Variants in NCAM2 observed in about 807,000 individuals in gnomAD.
NCAM2 encodes the protein N-CAM-2.
A neutral mutation model predicts 98.1 loss-of-function variants in NCAM2; 30 were observed. The observed-to-expected ratio is 0.31, with a 90% CI of 0.23 to 0.41. NCAM2 has a LOEUF of 0.41. Ranked by LOEUF, NCAM2 falls within the 10% of genes least tolerant of loss-of-function variation. The pLI, the probability that NCAM2 is intolerant of heterozygous loss-of-function variation, is 1.00. For missense variants in NCAM2, 867 were observed against 1,005.8 expected (o/e 0.86, Z 1.87); for synonymous variants, 368 against 342.4 (o/e 1.07, Z -0.83).
intron 6 of NCAM2, among the ~76,000 whole-genome samples, chr21:21,328,539 TG>T (rs1440623461): frequency 6.6e-6 from 1 of 151,444 alleles, no homozygotes; most frequent in East Asian, 1.9e-4. Flanking sequence ...TTGATGATCC[TG>T]ACCCTGAGTC....
chr21:21,263,824 A>T (rs906655930), intron 1 of NCAM2, among the ~76,000 whole-genome samples: 2 of 152,120 alleles, frequency 1.3e-5, no homozygotes, highest in African/African-American at 4.8e-5. Flanking sequence ...ATTAAACTGG[A>T]CCCCTAATTT....
chr21:21,400,639 G>A (rs1569021560), intron 9 of NCAM2, among the ~76,000 whole-genome samples: 2 of 148,614 alleles, frequency 1.3e-5, no homozygotes, highest in Admixed American at 6.7e-5. Flanking sequence ...AGGCTGGAGT[G>A]CACTGATGCA....
At chr21:21,230,011 C>T (rs993058127) in intron 1 of NCAM2, among the ~76,000 whole-genome samples, 4 of 151,124 alleles carry the variant, frequency 2.6e-5, no homozygotes, top group African/African-American at 9.7e-5. Context: ...GAGAGAAACA[C>T]ACAAGTAAGA....
intron 11 of NCAM2, among the ~76,000 whole-genome samples, chr21:21,421,212 G>A (rs2077103713): frequency 6.6e-6 from 1 of 151,864 alleles, no homozygotes; most frequent in South Asian, 2.1e-4. Context: ...TTCACAGGTA[G>A]TATTTAATGT....
Position 21,338,642 on chromosome 21 carries a change from C to G in NCAM2, c.1044+108C>G, listed in dbSNP as rs888541473. ...CAATTTACCTAGTAACTTGTAGGAT[C>G]AAATAAATGGTTTGATTTTTAAAAA... On this transcript the variant is annotated intron_variant, in intron 8 of 17. Transcript: ENST00000400546. The G allele has an allele frequency of 5.2e-6, 6 of 1,143,578 alleles. No individual in the cohort carries two copies. The African/African-American group carries it at 9.7e-5, about 19-fold the overall frequency. 70.8% of individuals were successfully genotyped at this position (1,143,578 alleles called of 1,614,324 possible).
intron 1 of NCAM2, among the ~76,000 whole-genome samples, chr21:21,155,890 GGGAA>G (rs925644016): frequency 1.6e-4 from 24 of 151,936 alleles, no homozygotes; most frequent in African/African-American, 5.5e-4. Flanking sequence ...CAGATACTTT[GGGAA>G]AAACCCCTTA....
intron 1 of NCAM2, among the ~76,000 whole-genome samples, chr21:21,274,603 A>C (rs1006301889): frequency 4.6e-5 from 7 of 152,232 alleles, no homozygotes; most frequent in Admixed American, 2.6e-4. Flanking sequence ...TCAATGAGAA[A>C]ATTGTATTCA....
At chr21:21,507,788 C>CAAA (rs35904478) in intron 15 of NCAM2, among the ~76,000 whole-genome samples, 1 of 98,098 alleles carries the variant, frequency 1.0e-5, no homozygotes, top group African/African-American at 3.6e-5. Context: ...GACTCCATCT[C>CAAA]AAAAAAAAAA....
At chr21:21,302,877 A>G (rs1473947757) in intron 5 of NCAM2, among the ~76,000 whole-genome samples, 1 of 152,122 alleles carries the variant, frequency 6.6e-6, no homozygotes, top group Non-Finnish European at 1.5e-5. Context: ...TGGATTGGAT[A>G]AATAAAATGT....
chr21:21,194,336 A>T (rs546453602), intron 1 of NCAM2, among the ~76,000 whole-genome samples: 1 of 152,328 alleles, frequency 6.6e-6, no homozygotes, highest in East Asian at 1.9e-4. Context: ...ACATAAGGAT[A>T]TGAATGAAAC....
At chr21:21,156,137 A>G (rs1392454660) in intron 1 of NCAM2, among the ~76,000 whole-genome samples, 2 of 152,044 alleles carry the variant, frequency 1.3e-5, no homozygotes, top group Non-Finnish European at 2.9e-5. Context: ...AGGCACTCAT[A>G]TACAAGAATG....
At chr21:21,149,152 C>T (rs1176995561) in intron 1 of NCAM2, among the ~76,000 whole-genome samples, 1 of 152,124 alleles carries the variant, frequency 6.6e-6, no homozygotes, top group Non-Finnish European at 1.5e-5. Flanking sequence ...AGGTAATGCA[C>T]ACTGTCTTTG....
rs145842802 is a variant in NCAM2 at position 21,037,159 on chromosome 21, G to C, written c.55+38541G>C. 6.1e-3 allele frequency among the ~76,000 whole-genome samples: 927 copies of C among 152,262 alleles called. 13 individuals carry two copies. Among genetic ancestry groups the C allele is most frequent in the African/African-American group, 0.022 (911 of 41,550 alleles). ...AATCTTTCCATCAGTCTCCCTAATA[G>C]CTGGAACTACAGGCCTGCGCCACCA... On this transcript the variant is annotated intron_variant, in intron 1 of 17. Coordinates refer to ENST00000400546, the MANE Select transcript of NCAM2 (RefSeq NM_004540.5).
chr21:21,147,204 ACT>A (rs2067305157), intron 1 of NCAM2: 1 of 973,632 alleles, frequency 1.0e-6, no homozygotes. Context: ...AGCACATGGA[ACT>A]CTGCCTCCGC....
intron 1 of NCAM2, among the ~76,000 whole-genome samples, chr21:20,999,173 C>T (rs570774177): frequency 6.6e-6 from 1 of 151,902 alleles, no homozygotes; most frequent in Non-Finnish European, 1.5e-5. Flanking sequence ...AGAGAGGGGC[C>T]GTGGATATTG....
intron 11 of NCAM2, among the ~76,000 whole-genome samples, chr21:21,419,255 T>G (rs1197144315): frequency 6.6e-6 from 1 of 151,884 alleles, no homozygotes; most frequent in African/African-American, 2.4e-5. Flanking sequence ...TAAAACCTGA[T>G]TCTAATCCCT....
chr21:21,508,803 T>C, intron 15 of NCAM2, 48 bp from the exon 16 acceptor site: 1 of 1,195,218 alleles, frequency 8.4e-7, no homozygotes, highest in Non-Finnish European at 1.1e-6. Flanking sequence ...TTAATACTTT[T>C]TTTCCTTTTT....
chr21:21,356,397 T>A lies in NCAM2; in HGVS notation c.1045-17466T>A, dbSNP rs1430310331. Among the ~76,000 whole-genome samples the A allele has an allele frequency of 3.9e-5, 6 of 152,202 alleles. No individual in the cohort carries two copies. In the East Asian group the frequency reaches 1.2e-3, roughly 29 times the overall value. On this transcript the variant is annotated intron_variant, in intron 8 of 17. Transcript: ENST00000400546. Reference sequence around the variant, plus strand: ...TTAAAAATTATTTATTTAAGCCAGGTTTATTGGAAGACAGAAAACAATGGA... The same window carrying A: ...TTAAAAATTATTTATTTAAGCCAGGATTATTGGAAGACAGAAAACAATGGA...
intron 1 of NCAM2, among the ~76,000 whole-genome samples, chr21:21,150,980 A>C (rs1390184082): frequency 9.9e-6 from 1 of 101,334 alleles, no homozygotes; most frequent in African/African-American, 2.9e-5. Flanking sequence ...TTTTAAAAAT[A>C]TATATATATT....
Sources: allele counts gnomAD v4.1 joint callset (sites outside exome capture counted in the v4.1 genomes callset), GRCh38; gene constraint gnomAD v4.1.1; transcripts MANE v1.5; gene names NCBI Gene and HGNC (gene_info 2026-07-23, HGNC 2026-07-21).